PTPRT: variants seen among roughly 807,000 people sequenced by gnomAD.
PTPRT encodes the protein receptor-type tyrosine-protein phosphatase T.
Under a neutral mutation model 176.8 loss-of-function variants are expected in PTPRT, and 56 were observed. The observed-to-expected ratio is 0.32, with a 90% CI of 0.26 to 0.40. The LOEUF (loss-of-function observed/expected upper bound fraction) is 0.40, where lower values mean the gene tolerates loss of function less well. Among genes scored for constraint, PTPRT ranks in the 10% least tolerant of loss-of-function variants. PTPRT has a pLI of 1.00. For synonymous variants in PTPRT, 783 were observed against 739.0 expected (o/e 1.06, Z -0.96); for missense variants, 1,540 against 1,908.2 (o/e 0.81, Z 3.60).
At chr20:42,221,449 C>A (rs148679203) in intron 15 of PTPRT, among the ~76,000 whole-genome samples, 1 of 151,900 alleles carries the variant, frequency 6.6e-6, no homozygotes, top group African/African-American at 2.4e-5. Context: ...AGGAAACTTA[C>A]AATCATGACA....
intron 1 of PTPRT, among the ~76,000 whole-genome samples, chr20:42,977,856 A>G (rs895107561): frequency 6.6e-6 from 1 of 152,198 alleles, no homozygotes; most frequent in Non-Finnish European, 1.5e-5. Context: ...ATTACCTTTT[A>G]TGTGCATCTC....
intron 1 of PTPRT, among the ~76,000 whole-genome samples, chr20:43,034,054 G>C (rs962850607): frequency 1.3e-5 from 2 of 152,212 alleles, no homozygotes; most frequent in Non-Finnish European, 2.9e-5. Context: ...AGCCAGAGAA[G>C]CTCTAAGAGT....
chr20:42,270,261 T>C (rs2056908216), intron 13 of PTPRT: 1 of 622,796 alleles, frequency 1.6e-6, no homozygotes, highest in East Asian at 3.0e-5. Flanking sequence ...TGTGGGTTGA[T>C]GGGTGAATGG....
At chr20:42,567,653 T>C (rs766095617) in intron 7 of PTPRT, among the ~76,000 whole-genome samples, 1 of 152,242 alleles carries the variant, frequency 6.6e-6, no homozygotes, top group Non-Finnish European at 1.5e-5. Flanking sequence ...AATGAGTTAA[T>C]GCCAGCCTCA....
intron 13 of PTPRT, among the ~76,000 whole-genome samples, chr20:42,270,103 C>G (rs2056905618): frequency 6.6e-6 from 1 of 152,096 alleles, no homozygotes; most frequent in Admixed American, 6.5e-5. Flanking sequence ...AACATATCTT[C>G]TTTTGCTCAT....
chr20:43,071,877 A>T (rs1322494911), intron 1 of PTPRT, among the ~76,000 whole-genome samples: 1 of 152,232 alleles, frequency 6.6e-6, no homozygotes, highest in African/African-American at 2.4e-5. Flanking sequence ...TCCCACAGGG[A>T]GGCAATGCAC....
At chr20:42,438,998 T>C (rs1601026313) in intron 9 of PTPRT, among the ~76,000 whole-genome samples, 1 of 152,238 alleles carries the variant, frequency 6.6e-6, no homozygotes, top group African/African-American at 2.4e-5. Flanking sequence ...CTTCTTTTCC[T>C]TCCAGACTCT....
chr20:42,884,075 G>A (rs567772601), intron 2 of PTPRT, among the ~76,000 whole-genome samples: 70 of 152,096 alleles, frequency 4.6e-4, no homozygotes, highest in Non-Finnish European at 9.1e-4. Context: ...TTTAAGCAGA[G>A]GTGTCTTGGA....
chr20:43,153,559 T>C (rs991170515), intron 1 of PTPRT, among the ~76,000 whole-genome samples: 2 of 152,034 alleles, frequency 1.3e-5, no homozygotes, highest in African/African-American at 4.8e-5. Flanking sequence ...ATTCCAGAAC[T>C]CACATTATAC....
intron 9 of PTPRT, among the ~76,000 whole-genome samples, chr20:42,372,148 T>C (rs11907953): frequency 0.087 from 13,203 of 152,158 alleles, 733 homozygotes; most frequent in African/African-American, 0.14. Context: ...GATGAGAAGA[T>C]CCATCAGCCC....
At chr20:43,137,652 T>C (rs979597289) in intron 1 of PTPRT, among the ~76,000 whole-genome samples, 4 of 152,140 alleles carry the variant, frequency 2.6e-5, no homozygotes, top group African/African-American at 9.7e-5. Flanking sequence ...GCACCAACCA[T>C]TTCCCTGACT....
At chr20:42,646,860 A>G (rs2074912609) in intron 7 of PTPRT, among the ~76,000 whole-genome samples, 3 of 137,362 alleles carry the variant, frequency 2.2e-5, no homozygotes, top group South Asian at 4.8e-4. Context: ...CTCTATATCT[A>G]GAGATCCCAA....
At chr20:42,665,105 T>G (rs2146017922) in intron 7 of PTPRT, among the ~76,000 whole-genome samples, 1 of 152,042 alleles carries the variant, frequency 6.6e-6, no homozygotes, top group East Asian at 1.9e-4. Flanking sequence ...AAATGGGATC[T>G]AATTAAACTA....
intron 7 of PTPRT, among the ~76,000 whole-genome samples, chr20:42,592,147 T>TA (rs1491451239): frequency 1.2e-5 from 1 of 81,238 alleles, no homozygotes; most frequent in Non-Finnish European, 2.4e-5. Context: ...ACCCAGCTAA[T>TA]TTTTTTTTTT....
At chr20:42,951,890 C>T (rs1600587698) in intron 1 of PTPRT, among the ~76,000 whole-genome samples, 1 of 152,216 alleles carries the variant, frequency 6.6e-6, no homozygotes, top group South Asian at 2.1e-4. Context: ...CCCAGAGTTG[C>T]TATGAGGAAT....
chr20:42,356,443 C>A (rs1361392436), intron 9 of PTPRT, among the ~76,000 whole-genome samples: 1 of 152,104 alleles, frequency 6.6e-6, no homozygotes, highest in Non-Finnish European at 1.5e-5. Context: ...ACCTGTAATC[C>A]CAGCACTCTG....
chr20:42,389,578 G>A (rs931930632), intron 9 of PTPRT, among the ~76,000 whole-genome samples: 17 of 152,232 alleles, frequency 1.1e-4, no homozygotes, highest in African/African-American at 4.1e-4. Flanking sequence ...GGCAAGGCAT[G>A]GTGTCTCAGG....
intron 1 of PTPRT, among the ~76,000 whole-genome samples, chr20:42,920,444 G>A (rs11905939): frequency 0.035 from 5,360 of 152,216 alleles, 228 homozygotes; most frequent in African/African-American, 0.099. Context: ...AGGGAAGAGA[G>A]GGAGAGAAGG....
intron 1 of PTPRT, among the ~76,000 whole-genome samples, chr20:43,086,003 C>T (rs1396488237): frequency 2.0e-5 from 3 of 152,106 alleles, no homozygotes; most frequent in Non-Finnish European, 4.4e-5. Flanking sequence ...GAAACAGTCA[C>T]TTGCCAGTTT....
Sources: allele counts gnomAD v4.1 joint callset (sites outside exome capture counted in the v4.1 genomes callset), GRCh38; gene constraint gnomAD v4.1.1; transcripts MANE v1.5; gene names NCBI Gene and HGNC (gene_info 2026-07-23, HGNC 2026-07-21).